Variants in BBS9 observed in about 807,000 individuals in gnomAD.
BBS9 encodes the protein protein PTHB1.
In BBS9, 89 loss-of-function variants were observed where a neutral mutation model predicts 117.7. The observed-to-expected ratio is 0.76, with a 90% CI of 0.64 to 0.90. BBS9 has a LOEUF of 0.90. Among genes scored for constraint, BBS9 ranks in the 40% least tolerant of loss-of-function variants. BBS9 has a pLI of 0.00. For missense variants in BBS9, 982 were observed against 1,042.2 expected, an observed-to-expected ratio of 0.94 and a Z score of 0.80; for synonymous variants, 379 against 370.9, an observed-to-expected ratio of 1.02 and a Z score of -0.25.
At chr7:33,531,335 A>T (rs1185407164) in intron 20 of BBS9, among the ~76,000 whole-genome samples, 3 of 152,182 alleles carry the variant, frequency 2.0e-5, no homozygotes, top group African/African-American at 7.2e-5. Context: ...CTTAGGTGTC[A>T]GTGCACTCAA....
At chr7:33,247,348 CA>C (rs1795502752) in intron 5 of BBS9, among the ~76,000 whole-genome samples, 1 of 152,056 alleles carries the variant, frequency 6.6e-6, no homozygotes, top group African/African-American at 2.4e-5. Context: ...ATAGAGCTCC[CA>C]GGGGTCTGGG....
At chr7:33,551,168 G>A (rs2392247) in intron 21 of BBS9, among the ~76,000 whole-genome samples, 93,654 of 151,948 alleles carry the variant, frequency 0.62, 29,776 homozygotes, top group African/African-American at 0.75. Flanking sequence ...AGTGACTGCA[G>A]TTGTAAAATA....
At position 33,267,983 on chromosome 7, in the gene BBS9, A is replaced by G. The variant is rs571779916; in HGVS notation, c.702+3609A>G. ...AGTTAAGTTACTTGGAAACAGTTTG[A>G]TTTTTGGGGGCCTTGTTCTCAAGAC... On this transcript the variant is annotated intron_variant, in intron 7 of 22. Transcript: ENST00000242067. 3.9e-5 allele frequency among the ~76,000 whole-genome samples: 6 copies of G among 152,096 alleles called. No individual in the cohort carries two copies. The East Asian group carries it at 7.7e-4, about 20-fold the overall frequency.
At chr7:33,179,595 T>C (rs1304241601) in intron 5 of BBS9, among the ~76,000 whole-genome samples, 1 of 151,874 alleles carries the variant, frequency 6.6e-6, no homozygotes, top group African/African-American at 2.4e-5. Flanking sequence ...GACCATCTAG[T>C]TGCAGGAAAA....
chr7:33,527,721 G>A (rs904070964), intron 20 of BBS9, among the ~76,000 whole-genome samples: 1 of 152,214 alleles, frequency 6.6e-6, no homozygotes, highest in South Asian at 2.1e-4. Context: ...CGTCGCTCAC[G>A]CTGGGAGCTG....
intron 21 of BBS9, among the ~76,000 whole-genome samples, chr7:33,565,795 A>ACCGC (rs1271212604): frequency 2.0e-4 from 8 of 40,416 alleles, no homozygotes; most frequent in South Asian, 1.5e-3. Context: ...ATATATATAT[A>ACCGC]TATATATATA....
chr7:33,207,207 T>C (rs919551551), intron 5 of BBS9, among the ~76,000 whole-genome samples: 2 of 152,226 alleles, frequency 1.3e-5, no homozygotes, highest in Non-Finnish European at 2.9e-5. Context: ...TGTAAATATT[T>C]TGCTTTTCAT....
At chr7:33,347,039 C>G (rs1397404364) in intron 12 of BBS9, among the ~76,000 whole-genome samples, 1 of 152,140 alleles carries the variant, frequency 6.6e-6, no homozygotes, top group African/African-American at 2.4e-5. Flanking sequence ...GGCATGGGCT[C>G]AGGATTCTGG....
intron 21 of BBS9, among the ~76,000 whole-genome samples, chr7:33,588,412 C>A (rs1861323179): frequency 1.3e-5 from 2 of 152,256 alleles, no homozygotes; most frequent in South Asian, 4.1e-4. Context: ...GTTTCCGTTG[C>A]TTCCTCCTAA....
At chr7:33,618,740 T>A (rs1333861221) in intron 21 of BBS9, among the ~76,000 whole-genome samples, 1 of 152,022 alleles carries the variant, frequency 6.6e-6, no homozygotes, top group Non-Finnish European at 1.5e-5. Flanking sequence ...GAGTGAGAAG[T>A]TTAAGATTTA....
intron 21 of BBS9, among the ~76,000 whole-genome samples, chr7:33,598,434 C>A (rs185104144): frequency 2.5e-3 from 379 of 152,186 alleles, no homozygotes; most frequent in Non-Finnish European, 4.5e-3. Context: ...ATGAAGTATT[C>A]TGGATAGCAT....
intron 9 of BBS9, among the ~76,000 whole-genome samples, chr7:33,297,774 A>G (rs1381295250): frequency 6.6e-6 from 1 of 152,194 alleles, no homozygotes; most frequent in Non-Finnish European, 1.5e-5. Flanking sequence ...ATACATTCAG[A>G]ATCATGAAAG....
chr7:33,479,160 G>T (rs2128970377), intron 19 of BBS9, among the ~76,000 whole-genome samples: 1 of 152,140 alleles, frequency 6.6e-6, no homozygotes, highest in Admixed American at 6.5e-5. Context: ...TAAATTGTGT[G>T]TCCCTGAGGT....
rs1479573339 is a variant in BBS9, at chr7:33,430,131, C to T, written c.2115+41987C>T. Among the ~76,000 whole-genome samples the T allele has an allele frequency of 2.0e-5, 3 of 152,168 alleles. No individual in the cohort carries two copies. The South Asian group carries it at 6.2e-4, about 32-fold the overall frequency. The stretch of plus-strand genomic sequence containing the variant: ...GTTAGTTCTGTTACCAATAAGCAGA[C>T]TAACACAGATGTGTAGCAATTAAAA... On this transcript the variant is annotated intron_variant, in intron 19 of 22. Coordinates refer to ENST00000242067, the MANE Select transcript of BBS9 (RefSeq NM_198428.3).
chr7:33,359,437 G>T (rs1249878999), intron 16 of BBS9, among the ~76,000 whole-genome samples: 1 of 151,902 alleles, frequency 6.6e-6, no homozygotes, highest in Non-Finnish European at 1.5e-5. Flanking sequence ...TTTTCCTCCT[G>T]ATTTTGGGCT....
At chr7:33,278,936 C>T (rs1801297336) in intron 9 of BBS9, among the ~76,000 whole-genome samples, 1 of 152,160 alleles carries the variant, frequency 6.6e-6, no homozygotes, top group Non-Finnish European at 1.5e-5. Flanking sequence ...TTAATTGACG[C>T]ACATCTAGCC....
intron 9 of BBS9, among the ~76,000 whole-genome samples, chr7:33,321,909 G>T (rs1456069239): frequency 1.3e-5 from 2 of 151,528 alleles, no homozygotes; most frequent in African/African-American, 2.4e-5. Flanking sequence ...CCAGTTTTTT[G>T]AGGGTTTTTT....
At chr7:33,177,892 A>G (rs1320246807) in intron 5 of BBS9, 3 of 305,446 alleles carry the variant, frequency 9.8e-6, no homozygotes, top group South Asian at 7.9e-5. Flanking sequence ...TGATTTTTAT[A>G]TAACCAGCAT....
intron 9 of BBS9, among the ~76,000 whole-genome samples, chr7:33,305,675 A>AT (rs1488897753): frequency 1.3e-5 from 2 of 151,810 alleles, no homozygotes; most frequent in Non-Finnish European, 2.9e-5. Context: ...TTTCTTCTAG[A>AT]TTTTCTATTT....
Sources: allele counts gnomAD v4.1 joint callset (sites outside exome capture counted in the v4.1 genomes callset), GRCh38; gene constraint gnomAD v4.1.1; transcripts MANE v1.5; gene names NCBI Gene and HGNC (gene_info 2026-07-23, HGNC 2026-07-21).